Variants in COL24A1 observed in about 807,000 individuals in gnomAD.
The protein encoded by COL24A1 is collagen alpha-1(XXIV) chain.
A neutral mutation model predicts 253.9 loss-of-function variants in COL24A1; 224 were observed. That is an observed-to-expected ratio of 0.88 (90% CI 0.79 to 0.99). The LOEUF is 0.99. COL24A1 is among the 50% of genes least tolerant of loss of function. COL24A1 has a pLI of 0.00. For synonymous variants in COL24A1, 685 were observed against 673.7 expected, an observed-to-expected ratio of 1.02 and a Z score of -0.26; for missense variants, 2,131 against 2,068.5, an observed-to-expected ratio of 1.03 and a Z score of -0.59.
At position 85,861,360 on chromosome 1, in the gene COL24A1, C is replaced by T. The variant is rs561014687; in HGVS notation, c.3300+7159G>A. 5.3e-5 allele frequency among the ~76,000 whole-genome samples: 8 copies of T among 152,160 alleles called. No individual in the cohort carries two copies. The South Asian group carries it at 1.7e-3, about 32-fold the overall frequency. On this transcript the variant is annotated intron_variant, in intron 37 of 59. Coordinates refer to ENST00000370571, the MANE Select transcript of COL24A1 (RefSeq NM_152890.7). ...TTGTTAATATATTCTGGATACGAGT[C>T]CCTTATCATATATGATTTTCAAATA...
chr1:86,152,828 T>C (rs1237171309), intron 1 of COL24A1, among the ~76,000 whole-genome samples: 1 of 152,208 alleles, frequency 6.6e-6, no homozygotes, highest in African/African-American at 2.4e-5. Context: ...ATGAATCAGA[T>C]AATCTTCAGT....
At chr1:86,065,060 A>G (rs1420279012) in intron 7 of COL24A1, among the ~76,000 whole-genome samples, 1 of 152,122 alleles carries the variant, frequency 6.6e-6, no homozygotes, top group Non-Finnish European at 1.5e-5. Context: ...GCGCTAAGAC[A>G]GTGGTGGTGG....
intron 20 of COL24A1, among the ~76,000 whole-genome samples, chr1:85,972,025 C>A (rs527977344): frequency 7.9e-5 from 12 of 152,236 alleles, no homozygotes; most frequent in African/African-American, 2.9e-4. Flanking sequence ...AATGAAAACT[C>A]TTTCAAAGTT....
intron 24 of COL24A1, among the ~76,000 whole-genome samples, chr1:85,950,299 A>G (rs41416248): frequency 0.022 from 3,383 of 152,338 alleles, 127 homozygotes; most frequent in African/African-American, 0.075. Context: ...TCAAAAAGCC[A>G]GTGGATTAAG....
intron 3 of COL24A1, 40 bp from the exon 4 acceptor site, chr1:86,115,418 A>G: frequency 6.4e-7 from 1 of 1,573,756 alleles, no homozygotes; most frequent in Non-Finnish European, 8.7e-7. Flanking sequence ...ATGATAGTGG[A>G]CACATTTATT....
At chr1:85,896,436 T>C (rs752404508) in intron 28 of COL24A1, 27 bp from the exon 29 acceptor site, 19 of 1,588,008 alleles carry the variant, frequency 1.2e-5, no homozygotes, top group Admixed American at 1.2e-4. Context: ...TATCCTGTTG[T>C]TAATTTGAAA....
At chr1:85,775,741 G>T in intron 52 of COL24A1, 32 bp from the exon 53 acceptor site, 3 of 1,535,244 alleles carry the variant, frequency 2.0e-6, no homozygotes, top group Non-Finnish European at 2.7e-6. Flanking sequence ...TTAGTTCATT[G>T]TTATTGATAG....
At chr1:86,053,660 T>C (rs1190236103) in intron 10 of COL24A1, among the ~76,000 whole-genome samples, 2 of 152,076 alleles carry the variant, frequency 1.3e-5, no homozygotes, top group East Asian at 3.8e-4. Flanking sequence ...CGGGAGAGGT[T>C]CTATATACTT....
intron 27 of COL24A1, among the ~76,000 whole-genome samples, 198 bp downstream of exon 27, chr1:85,908,400 G>A (rs1685045088): frequency 6.6e-6 from 1 of 151,708 alleles, no homozygotes; most frequent in South Asian, 2.1e-4. Context: ...GAAATTGATT[G>A]TATACCAAGT....
At chr1:85,850,078 TTTTCA>T (rs1371127833) in intron 37 of COL24A1, among the ~76,000 whole-genome samples, 1 of 152,132 alleles carries the variant, frequency 6.6e-6, no homozygotes, top group Non-Finnish European at 1.5e-5. Flanking sequence ...AAAAATAATA[TTTTCA>T]TTTCAATTTG....
At chr1:86,027,456 G>T (rs1197907361) in intron 14 of COL24A1, among the ~76,000 whole-genome samples, 1 of 152,120 alleles carries the variant, frequency 6.6e-6, no homozygotes, top group Non-Finnish European at 1.5e-5. Flanking sequence ...TCCCAGCTGT[G>T]GCTAAAAGGG....
At chr1:86,108,680 G>A (rs1342406793) in intron 5 of COL24A1, among the ~76,000 whole-genome samples, 1 of 148,624 alleles carries the variant, frequency 6.7e-6, no homozygotes, top group Non-Finnish European at 1.5e-5. Flanking sequence ...GGTGGCACAT[G>A]CCTGTAACCC....
At chr1:85,962,800 G>A (rs1173041610) in intron 23 of COL24A1, among the ~76,000 whole-genome samples, 1 of 152,090 alleles carries the variant, frequency 6.6e-6, no homozygotes, top group Admixed American at 6.5e-5. Flanking sequence ...TGTCTAAACA[G>A]TAATAATTAT....
chr1:86,139,244 A>G (rs1001571360), intron 2 of COL24A1, among the ~76,000 whole-genome samples: 3 of 151,944 alleles, frequency 2.0e-5, no homozygotes, highest in Non-Finnish European at 4.4e-5. Flanking sequence ...AGAGTGAGGG[A>G]GAAAGGTGAA....
chr1:85,994,250 C>T (rs183491352), intron 19 of COL24A1, among the ~76,000 whole-genome samples: 1 of 151,382 alleles, frequency 6.6e-6, no homozygotes, highest in Non-Finnish European at 1.5e-5. Flanking sequence ...TTCTTGAGGG[C>T]AAAGTTATGC....
intron 55 of COL24A1, among the ~76,000 whole-genome samples, chr1:85,754,561 A>G (rs1557995522): frequency 6.7e-6 from 1 of 149,966 alleles, no homozygotes; most frequent in Non-Finnish European, 1.5e-5. Context: ...AAAAAAAAAA[A>G]AAAAGAACTA....
chr1:85,882,499 T>G (rs35841238), intron 32 of COL24A1, among the ~76,000 whole-genome samples: 38,321 of 151,930 alleles, frequency 0.25, 5,185 homozygotes, highest in Admixed American at 0.35. Flanking sequence ...AACACACGAA[T>G]AAAAAAATTT....
chr1:85,838,046 T>C (rs1676209344), intron 43 of COL24A1, among the ~76,000 whole-genome samples: 1 of 152,022 alleles, frequency 6.6e-6, no homozygotes, highest in Admixed American at 6.5e-5. Context: ...TGGAAGAGGA[T>C]AAGAATTGAC....
chr1:85,990,476 T>G (rs1291288132), intron 19 of COL24A1, among the ~76,000 whole-genome samples: 1 of 152,176 alleles, frequency 6.6e-6, no homozygotes, highest in African/African-American at 2.4e-5. Flanking sequence ...CCTATGAGAC[T>G]CTAATGCTGC....
Sources: gnomAD v4.1 joint callset for allele counts (sites outside exome capture counted in the v4.1 genomes callset) on GRCh38, gnomAD v4.1.1 for gene constraint, MANE v1.5 for transcripts, NCBI Gene and HGNC (gene_info 2026-07-23, HGNC 2026-07-21) for gene names.